PICALM: variants seen among roughly 807,000 people sequenced by gnomAD.
The protein encoded by PICALM is phosphatidylinositol-binding clathrin assembly protein.
In PICALM, 40 loss-of-function variants were observed where a neutral mutation model predicts 80.5. That is an observed-to-expected ratio of 0.50 (90% confidence interval 0.39 to 0.65). PICALM has a LOEUF of 0.65. Ranked by LOEUF, PICALM falls within the 30% of genes least tolerant of loss-of-function variation. The pLI, the probability that PICALM is intolerant of heterozygous loss-of-function variation, is 0.00. For missense variants in PICALM, 676 were observed against 778.9 expected (o/e 0.87, Z 1.57); for synonymous variants, 288 against 260.3 (o/e 1.11, Z -1.02).
chr11:85,958,856 G>T lies in PICALM; in HGVS notation c.*190C>A. 4.1e-6 allele frequency: 2 copies of T among 492,372 alleles called. No individual in the cohort carries two copies. Among genetic ancestry groups the T allele is most frequent in the South Asian group, 8.4e-5 (2 of 23,842 alleles). 30.5% of individuals were successfully genotyped at this position (492,372 alleles called of 1,614,324 possible). On this transcript the variant is annotated 3_prime_UTR_variant, in exon 20 of 20. Coordinates refer to ENST00000393346, the MANE Select transcript of PICALM (RefSeq NM_007166.4). ...ATAGCAATTCTTGGCTTTATAAACT[G>T]TATTGATACGTTCTCCTATAAACTA...
chr11:86,046,910 T>C (rs2096081384), intron 1 of PICALM, among the ~76,000 whole-genome samples: 1 of 152,202 alleles, frequency 6.6e-6, no homozygotes, highest in South Asian at 2.1e-4. Flanking sequence ...AGTGTTGGGA[T>C]TACAGGCATG....
intron 8 of PICALM, among the ~76,000 whole-genome samples, chr11:86,005,223 G>A (rs1306573544): frequency 6.6e-6 from 1 of 152,132 alleles, no homozygotes; most frequent in Admixed American, 6.5e-5. Flanking sequence ...AACTACTATG[G>A]TACCAAATCC....
intron 3 of PICALM, 128 bp from the exon 4 acceptor site, chr11:86,022,597 A>T (rs1161223374): frequency 3.8e-6 from 2 of 521,672 alleles, no homozygotes; most frequent in Non-Finnish European, 6.7e-6. Context: ...TGATATCCCA[A>T]TTCAATTTAG....
intron 1 of PICALM, among the ~76,000 whole-genome samples, chr11:86,045,519 C>CAA (rs71040207): frequency 0.16 from 7,815 of 47,760 alleles, 1,344 homozygotes; most frequent in Non-Finnish European, 0.25. Flanking sequence ...TCTTGAAATT[C>CAA]AAAAAAAAAA....
At position 86,003,356 on chromosome 11, in the gene PICALM, A is replaced by T. The variant is rs747244313; in HGVS notation, c.893+10T>A. The T allele has an allele frequency of 4.5e-6, 7 of 1,544,672 alleles. No homozygotes were observed. The highest frequency in any genetic ancestry group is 6.2e-6 in the Non-Finnish European group (7 of 1,126,466). ...CACTCTGGCTTTTTGGCCTACAAAG[A>T]ATGATATACCTGCTTGCAGCTGTAG... On this transcript the variant is annotated intron_variant, in intron 9 of 19. Transcript: ENST00000393346.
chr11:85,987,799 T>C (rs1425012256), intron 13 of PICALM, among the ~76,000 whole-genome samples: 1 of 152,240 alleles, frequency 6.6e-6, no homozygotes, highest in African/African-American at 2.4e-5. Context: ...AGTAGTCATT[T>C]TGATACTTTT....
intron 12 of PICALM, among the ~76,000 whole-genome samples, chr11:85,994,266 C>T (rs1050538993): frequency 3.3e-5 from 5 of 152,100 alleles, no homozygotes; most frequent in East Asian, 1.9e-4. Context: ...TATTCAATAC[C>T]GACTGCTTGT....
intron 5 of PICALM, 89 bp downstream of exon 5, chr11:86,014,781 T>C (rs1210289729): frequency 1.8e-5 from 12 of 656,316 alleles, no homozygotes; most frequent in Admixed American, 3.4e-5. Flanking sequence ...TGTGAAAAAC[T>C]AGAGTCTGTG....
At position 86,031,175 on chromosome 11, in the gene PICALM, CA is replaced by C. The variant is rs71040206; in HGVS notation, c.273+293del. Among the ~76,000 whole-genome samples, 109,461 of 151,990 alleles carry C rather than the reference CA, an allele frequency of 0.72. 40,015 individuals are homozygous for C. The highest frequency in any genetic ancestry group is 0.87 in the African/African-American group (35,981 of 41,474). On this transcript the variant is annotated intron_variant, in intron 2 of 19. Transcript: ENST00000393346. ...TAATAAAAGAACAAATGGATATAGA[CA>C]AAATATATAGTCTATAAACAGGACC...
intron 1 of PICALM, among the ~76,000 whole-genome samples, chr11:86,059,675 T>C (rs2096326020): frequency 6.6e-6 from 1 of 152,010 alleles, no homozygotes; most frequent in Non-Finnish European, 1.5e-5. Context: ...GGCAAGAGAA[T>C]CCCTTGAGCC....
intron 13 of PICALM, among the ~76,000 whole-genome samples, chr11:85,988,803 A>T (rs1033021488): frequency 6.6e-6 from 1 of 152,248 alleles, no homozygotes; most frequent in African/African-American, 2.4e-5. Context: ...AAAAGAACTT[A>T]AGGCTCCATG....
At chr11:85,974,583 G>A in intron 19 of PICALM, 125 bp downstream of exon 19, 2 of 742,896 alleles carry the variant, frequency 2.7e-6, no homozygotes, top group Non-Finnish European at 5.0e-6. Flanking sequence ...TATGAAGCAA[G>A]CAATATCCAT....
chr11:86,001,981 G>C (rs2095158528), intron 9 of PICALM, among the ~76,000 whole-genome samples: 1 of 152,084 alleles, frequency 6.6e-6, no homozygotes, highest in Non-Finnish European at 1.5e-5. Flanking sequence ...ACGTAAAGTG[G>C]TAAAAACTAC....
chr11:85,960,256 A>G (rs189222447), intron 19 of PICALM, among the ~76,000 whole-genome samples: 4 of 152,304 alleles, frequency 2.6e-5, no homozygotes, highest in African/African-American at 7.2e-5. Context: ...AGAAGACTAT[A>G]AACTCCCAAA....
At chr11:85,966,457 C>G (rs1192296789) in intron 19 of PICALM, among the ~76,000 whole-genome samples, 2 of 152,208 alleles carry the variant, frequency 1.3e-5, no homozygotes, top group African/African-American at 4.8e-5. Context: ...TTTTCTTAGT[C>G]AGTTTCAAAT....
rs1030906502 is a variant in PICALM, at chr11:85,981,928, G to T, written c.1592C>A (p.Pro531Gln). Reference sequence around the variant, plus strand: ...GTCATCAGATACTAACTTGCTAGGTGGGAGTTTGGCAACAGGAAGGTTCTG... The same window carrying T: ...GTCATCAGATACTAACTTGCTAGGTTGGAGTTTGGCAACAGGAAGGTTCTG... ...QNQNLPVAKLPPSKLVSDDLD... is the reference protein window; with the variant it reads ...QNQNLPVAKLQPSKLVSDDLD... Residue 531 changes from proline (P) to glutamine (Q), a missense_variant, in exon 15 of 20, where the codon CCA (proline) becomes CAA (glutamine). Physicochemically the swap from Pro to Gln is moderately conservative, Grantham distance 76. Coordinates refer to ENST00000393346, the MANE Select transcript of PICALM (RefSeq NM_007166.4). 1.2e-6 allele frequency: 2 copies of T among 1,613,200 alleles called. No homozygotes were observed. The highest frequency in any genetic ancestry group is 2.7e-5 in the African/African-American group (2 of 74,914).
intron 12 of PICALM, among the ~76,000 whole-genome samples, chr11:85,993,176 T>C (rs1004857199): frequency 3.3e-5 from 5 of 152,112 alleles, no homozygotes; most frequent in Admixed American, 3.3e-4. Flanking sequence ...GCCTCGACCT[T>C]TCTGTGCTCA....
intron 3 of PICALM, 138 bp downstream of exon 3, chr11:86,026,154 G>GT: frequency 1.7e-6 from 1 of 588,152 alleles, no homozygotes; most frequent in South Asian, 2.2e-5. Flanking sequence ...TTAAAAGACA[G>GT]TTTTTTCTTT....
At chr11:85,975,268 C>T (rs2094241230) in intron 18 of PICALM, among the ~76,000 whole-genome samples, 1 of 151,132 alleles carries the variant, frequency 6.6e-6, no homozygotes, top group Admixed American at 6.6e-5. Context: ...TCTGAATAAG[C>T]CTGCTCTAGT....
Sources: gnomAD v4.1 joint callset for allele counts (sites outside exome capture counted in the v4.1 genomes callset) on GRCh38, gnomAD v4.1.1 for gene constraint, MANE v1.5 for transcripts, NCBI Gene and HGNC (gene_info 2026-07-23, HGNC 2026-07-21) for gene names.